KCNMA1: variants seen among roughly 807,000 people sequenced by gnomAD.
KCNMA1 encodes the protein potassium calcium-activated channel subfamily M alpha 1.
In KCNMA1, 29 loss-of-function variants were observed where a neutral mutation model predicts 140.0. The ratio of observed to expected loss-of-function variants is 0.21; its 90% CI spans 0.15 to 0.28. The LOEUF (loss-of-function observed/expected upper bound fraction) is 0.28, where lower values mean the gene tolerates loss of function less well. KCNMA1 is among the 10% of genes least tolerant of loss of function. KCNMA1 has a pLI of 1.00. For missense variants in KCNMA1, 880 were observed against 1,602.2 expected (o/e 0.55, Z 7.70); for synonymous variants, 612 against 611.9 (o/e 1.00, Z 0.00).
chr10:77,127,080 ACACACACACACACACACAC>A (rs1564696323), intron 5 of KCNMA1, among the ~76,000 whole-genome samples: 4 of 2,508 alleles, frequency 1.6e-3, no homozygotes, highest in Non-Finnish European at 2.7e-3. Flanking sequence ...AAACACACAC[ACACACACACACACACACAC>A]ACACACACAC....
At chr10:77,527,673 C>A (rs1000078231) in intron 1 of KCNMA1, among the ~76,000 whole-genome samples, 1 of 152,168 alleles carries the variant, frequency 6.6e-6, no homozygotes, top group Admixed American at 6.5e-5. Flanking sequence ...GCCCATAAAC[C>A]ATTTCCATTT....
chr10:76,882,822 T>G (rs1277674470), downstream of KCNMA1, among the ~76,000 whole-genome samples: 2 of 152,156 alleles, frequency 1.3e-5, no homozygotes, highest in Admixed American at 1.3e-4. Context: ...AGTCAGCCAG[T>G]GTAGTGACAG....
At chr10:77,184,089 C>A (rs1287619646) in intron 4 of KCNMA1, among the ~76,000 whole-genome samples, 1 of 151,818 alleles carries the variant, frequency 6.6e-6, no homozygotes, top group Non-Finnish European at 1.5e-5. Context: ...CACACACACA[C>A]AAAATTCCAT....
chr10:77,040,391 T>C (rs1258910296), intron 14 of KCNMA1, among the ~76,000 whole-genome samples: 1 of 152,142 alleles, frequency 6.6e-6, no homozygotes, highest in Non-Finnish European at 1.5e-5. Flanking sequence ...GAACATCCTT[T>C]CTATTCATGA....
At chr10:77,482,489 G>A (rs936073248) in intron 1 of KCNMA1, among the ~76,000 whole-genome samples, 4 of 152,194 alleles carry the variant, frequency 2.6e-5, no homozygotes, top group Admixed American at 6.5e-5. Context: ...CTCTGACCAC[G>A]CAGCAGAAAC....
In KCNMA1 at chr10:76,884,988, C is replaced by A; in HGVS notation, c.*2278G>T. On this transcript the variant is annotated 3_prime_UTR_variant, in exon 28 of 28. Transcript: ENST00000286628. ...TCATGCAGAACCATTAATTGTCATA[C>A]CTTGGCCCATTCTATTCATCCTTGT... 1.3e-6 allele frequency: 2 copies of A among 1,547,834 alleles called. No individual in the cohort carries two copies. The highest frequency in any genetic ancestry group is 1.7e-6 in the Non-Finnish European group (2 of 1,145,608).
intron 3 of KCNMA1, among the ~76,000 whole-genome samples, chr10:77,193,605 G>A (rs963721083): frequency 6.6e-6 from 1 of 152,152 alleles, no homozygotes; most frequent in Non-Finnish European, 1.5e-5. Context: ...CGAGGGCAGG[G>A]TCAATGAGCC....
At chr10:77,546,578 C>A (rs974883308) in intron 1 of KCNMA1, among the ~76,000 whole-genome samples, 2 of 152,234 alleles carry the variant, frequency 1.3e-5, no homozygotes, top group African/African-American at 4.8e-5. Flanking sequence ...ACAAGGTTAT[C>A]CCCAATATTC....
At chr10:77,237,187 G>A (rs896253540) in intron 3 of KCNMA1, among the ~76,000 whole-genome samples, 1 of 151,904 alleles carries the variant, frequency 6.6e-6, no homozygotes, top group Non-Finnish European at 1.5e-5. Context: ...TACTTTTTTT[G>A]GTCATGTTCA....
chr10:77,382,302 A>T (rs563088164), intron 2 of KCNMA1, among the ~76,000 whole-genome samples: 26 of 152,296 alleles, frequency 1.7e-4, no homozygotes, highest in African/African-American at 6.3e-4. Context: ...TATGTGCTAG[A>T]CACATTCTAA....
At chr10:77,028,191 TCATTAGTTACTCGGTCGG>T (rs1171094783) in intron 15 of KCNMA1, among the ~76,000 whole-genome samples, 1 of 152,180 alleles carries the variant, frequency 6.6e-6, no homozygotes, top group Non-Finnish European at 1.5e-5. Context: ...TGGGCCAGAT[TCATTAGTTACTCGGTCGG>T]GTAGTAAAAT....
chr10:77,411,111 T>C (rs2096609387), intron 1 of KCNMA1, among the ~76,000 whole-genome samples: 1 of 152,264 alleles, frequency 6.6e-6, no homozygotes, highest in Non-Finnish European at 1.5e-5. Flanking sequence ...CAAGCGATTC[T>C]CCTGTCTCAG....
rs4979897 is a variant in KCNMA1 at position 77,615,303 on chromosome 10, C to T, written c.378+21962G>A. ...CACCAGATGGGTCCACCAGGTCCGT[C>T]CTGCTCTGGCTACCAGGCTTCTAAG... On this transcript the variant is annotated intron_variant, in intron 1 of 27. Coordinates refer to ENST00000286628, the MANE Select transcript of KCNMA1 (RefSeq NM_001161352.2). Among the ~76,000 whole-genome samples the T allele has an allele frequency of 6.5e-3, 991 of 152,304 alleles. 13 individuals are homozygous for T. Among genetic ancestry groups the T allele is most frequent in the African/African-American group, 0.021 (885 of 41,570 alleles).
At position 77,585,526 on chromosome 10, in the gene KCNMA1, T is replaced by A. The variant is rs374990294; in HGVS notation, c.378+51739A>T. Among the ~76,000 whole-genome samples the A allele has an allele frequency of 7.2e-5, 11 of 152,350 alleles. 1 individual carries two copies. The highest frequency in any genetic ancestry group is 2.6e-4 in the African/African-American group (11 of 41,586). ...TCACTAGATTGGTGCCCTGTGCACA[T>A]GGCAGGCCCTCAAGAAATGTTTGTA... On this transcript the variant is annotated intron_variant, in intron 1 of 27. Transcript: ENST00000286628.
intron 15 of KCNMA1, 111 bp downstream of exon 15, chr10:77,039,417 C>A: frequency 1.4e-6 from 1 of 738,842 alleles, no homozygotes; most frequent in Non-Finnish European, 2.5e-6. Context: ...GGGATACCCT[C>A]GGCAATTGTC....
chr10:77,407,932 G>A (rs1003939533), intron 1 of KCNMA1, among the ~76,000 whole-genome samples: 1 of 152,196 alleles, frequency 6.6e-6, no homozygotes, highest in East Asian at 1.9e-4. Flanking sequence ...TGGAGGATAA[G>A]GAGGTGCAGG....
chr10:77,444,149 T>A (rs879172815), intron 1 of KCNMA1, among the ~76,000 whole-genome samples: 2 of 152,196 alleles, frequency 1.3e-5, no homozygotes, highest in Non-Finnish European at 2.9e-5. Context: ...TGCTAAGTCA[T>A]TAAAAAAAGA....
At chr10:76,871,489 T>C (rs1467617664) in exon 28 of KCNMA1, 4 of 152,280 alleles carry the variant, frequency 2.6e-5, no homozygotes, top group Non-Finnish European at 5.9e-5. Flanking sequence ...TATTTGCTAT[T>C]CAGTGTTCAC....
chr10:77,100,478 G>C (rs1032679150), intron 9 of KCNMA1, among the ~76,000 whole-genome samples: 3 of 152,202 alleles, frequency 2.0e-5, no homozygotes, highest in Non-Finnish European at 2.9e-5. Context: ...CACCAGTACT[G>C]GCTGTGGAGA....
Sources: allele counts gnomAD v4.1 joint callset (sites outside exome capture counted in the v4.1 genomes callset), GRCh38; gene constraint gnomAD v4.1.1; transcripts MANE v1.5; gene names NCBI Gene and HGNC (gene_info 2026-07-23, HGNC 2026-07-21).